KCNG3: variants seen among roughly 807,000 people sequenced by gnomAD.
KCNG3 encodes potassium voltage-gated channel modifier subfamily G member 3.
A neutral mutation model predicts 29.0 loss-of-function variants in KCNG3; 15 were observed. The ratio of observed to expected loss-of-function variants is 0.52; its 90% CI spans 0.35 to 0.80. The LOEUF is 0.80. Among genes scored for constraint, KCNG3 ranks in the 30% least tolerant of loss-of-function variants. The pLI, the probability that KCNG3 is intolerant of heterozygous loss-of-function variation, is 0.01. For synonymous variants in KCNG3, 322 were observed against 248.9 expected (o/e 1.29, Z -2.76); for missense variants, 512 against 605.7 (o/e 0.85, Z 1.62).
At chr2:42,440,587 T>C (rs1363638784), downstream of KCNG3, among the ~76,000 whole-genome samples, 1 of 152,108 alleles carries the variant, frequency 6.6e-6, no homozygotes, top group Non-Finnish European at 1.5e-5. Context: ...CTCCACCTCT[T>C]CCAGATCACA....
intron 1 of KCNG3, chr2:42,463,801 T>C (rs1023627546): frequency 4.7e-6 from 1 of 212,248 alleles, no homozygotes; most frequent in Non-Finnish European, 9.6e-6. Flanking sequence ...TCAGGCCATA[T>C]CTGGTCCATC....
chr2:42,445,517 G>A (rs1349695239), intron 1 of KCNG3, among the ~76,000 whole-genome samples: 7 of 152,122 alleles, frequency 4.6e-5, no homozygotes. Context: ...GGTCCCAGCA[G>A]AAACGAGGCC....
At chr2:42,425,662 CCAT>C in the KCNG3 span, among the ~76,000 whole-genome samples, 2 of 152,058 alleles carry the variant, frequency 1.3e-5, no homozygotes, top group South Asian at 4.2e-4. Flanking sequence ...CTATAGGTAC[CCAT>C]CATCATGACC....
At chr2:42,439,890 G>A (rs550326501), downstream of KCNG3, among the ~76,000 whole-genome samples, 52 of 149,518 alleles carry the variant, frequency 3.5e-4, no homozygotes, top group African/African-American at 8.9e-4. Context: ...TGATCCACCC[G>A]CCTCGGCCTC....
chr2:42,478,812 C>T (rs770086067), intron 1 of KCNG3, among the ~76,000 whole-genome samples: 57 of 152,154 alleles, frequency 3.7e-4, no homozygotes, highest in Non-Finnish European at 6.9e-4. Flanking sequence ...ATATAACTCA[C>T]TTCCTTTCTT....
chr2:42,487,280 C>T (rs549317737), intron 1 of KCNG3, among the ~76,000 whole-genome samples: 81 of 151,008 alleles, frequency 5.4e-4, no homozygotes, highest in Non-Finnish European at 1.1e-3. Context: ...TAATGGGGTC[C>T]TAAATTAGAA....
rs151208490 is a variant in KCNG3 at position 42,487,995 on chromosome 2, T to C, written c.665+4842A>G. The stretch of plus-strand genomic sequence containing the variant: ...AGTTTCAGGACTGTGTATTACACTG[T>C]ATTTCTGGCTTTTGTAAATATATAT... On this transcript the variant is annotated intron_variant, in intron 1 of 1. Transcript: ENST00000306078. 7.9e-5 allele frequency among the ~76,000 whole-genome samples: 12 copies of C among 152,352 alleles called. No individual in the cohort carries two copies. In the East Asian group the frequency reaches 2.1e-3, roughly 27 times the overall value.
intron 1 of KCNG3, among the ~76,000 whole-genome samples, chr2:42,454,854 A>C (rs1263647921): frequency 6.6e-6 from 1 of 152,248 alleles, no homozygotes; most frequent in Admixed American, 6.5e-5. Flanking sequence ...AAATTCACAG[A>C]AACAAAAAGA....
chr2:42,481,195 A>G (rs1415588756), intron 1 of KCNG3, among the ~76,000 whole-genome samples: 2 of 152,208 alleles, frequency 1.3e-5, no homozygotes, highest in Non-Finnish European at 2.9e-5. Flanking sequence ...GTCCTGCAAC[A>G]AAGTGTGTGG....
chr2:42,454,906 T>G (rs531369415), intron 1 of KCNG3, among the ~76,000 whole-genome samples: 7 of 152,204 alleles, frequency 4.6e-5, no homozygotes, highest in African/African-American at 1.7e-4. Flanking sequence ...AGAGAAGAGT[T>G]GTTTGATGGG....
chr2:42,395,658 T>G, the KCNG3 span, among the ~76,000 whole-genome samples: 2 of 152,148 alleles, frequency 1.3e-5, no homozygotes, highest in African/African-American at 4.8e-5. Flanking sequence ...ATGTTGTAAA[T>G]TGAAAATACA....
At chr2:42,492,034 G>A (rs1417311727) in intron 1 of KCNG3, among the ~76,000 whole-genome samples, 1 of 152,060 alleles carries the variant, frequency 6.6e-6, no homozygotes, top group Non-Finnish European at 1.5e-5. Flanking sequence ...ACCACTTCAA[G>A]GTAAGACAGT....
At chr2:42,437,030 A>C (rs74503113), downstream of KCNG3, among the ~76,000 whole-genome samples, 1,979 of 152,298 alleles carry the variant, frequency 0.013, 40 homozygotes, top group African/African-American at 0.044. Flanking sequence ...ATCTACCATT[A>C]GGTAAAATAT....
At chr2:42,460,791 G>C (rs542239838) in intron 1 of KCNG3, among the ~76,000 whole-genome samples, 1 of 152,280 alleles carries the variant, frequency 6.6e-6, no homozygotes, top group East Asian at 1.9e-4. Flanking sequence ...GGAAAGGCAA[G>C]TGAAGAAAAC....
At chr2:42,486,258 G>A (rs910582531) in intron 1 of KCNG3, among the ~76,000 whole-genome samples, 21 of 152,168 alleles carry the variant, frequency 1.4e-4, no homozygotes, top group African/African-American at 4.3e-4. Flanking sequence ...GTCCTGGTAG[G>A]TGAGCTGTCA....
At chr2:42,459,417 A>C (rs558125751) in intron 1 of KCNG3, among the ~76,000 whole-genome samples, 8 of 152,256 alleles carry the variant, frequency 5.3e-5, no homozygotes, top group African/African-American at 1.9e-4. Flanking sequence ...AAGTCAACTA[A>C]TGTGCACAAA....
chr2:42,435,404 G>C, the KCNG3 span, among the ~76,000 whole-genome samples: 3 of 152,128 alleles, frequency 2.0e-5, no homozygotes, highest in East Asian at 5.8e-4. Context: ...AGAGACAAGA[G>C]AAAAAACAGA....
At chr2:42,473,734 T>G (rs1162086039) in intron 1 of KCNG3, among the ~76,000 whole-genome samples, 3 of 152,210 alleles carry the variant, frequency 2.0e-5, no homozygotes, top group African/African-American at 7.2e-5. Flanking sequence ...AAAACACATT[T>G]TGATTGGCAT....
the KCNG3 span, among the ~76,000 whole-genome samples, chr2:42,426,924 C>A: frequency 6.6e-6 from 1 of 152,116 alleles, no homozygotes; most frequent in African/African-American, 2.4e-5. Context: ...CAGTATCAAC[C>A]AAGAAAGTGA....
Sources: gnomAD v4.1 joint callset for allele counts (sites outside exome capture counted in the v4.1 genomes callset) on GRCh38, gnomAD v4.1.1 for gene constraint, MANE v1.5 for transcripts, NCBI Gene and HGNC (gene_info 2026-07-23, HGNC 2026-07-21) for gene names.